NPIPA9: variants seen among roughly 807,000 people sequenced by gnomAD.
The protein encoded by NPIPA9 is nuclear pore complex-interacting protein family member A9.
chr16:18,364,671 G>C (rs1256792369), intron 4 of NPIPA9, 37 bp from the exon 5 acceptor site: 907 of 45,516 alleles, frequency 0.02, 1 homozygote, highest in Non-Finnish European at 0.028. Flanking sequence ...GGCTGGGCAC[G>C]GTGGCTCATG....
chr16:18,375,136 A>G lies in NPIPA9; in HGVS notation c.-307-67T>C, dbSNP rs1349358537. 8 of 580,970 alleles carry G rather than the reference A, an allele frequency of 1.4e-5. 1 individual carries two copies. The highest frequency in any genetic ancestry group is 2.4e-5 in the Non-Finnish European group (8 of 335,940). The allele number at this position is 580,970 out of a possible 1,614,324, so 36.0% of individuals were successfully genotyped here. A position where few individuals can be genotyped will look rare whatever the true frequency, so the allele number is the denominator to read the frequency against. On this transcript the variant is annotated intron_variant, in intron 1 of 9. Coordinates refer to ENST00000427999, the Ensembl canonical transcript of NPIPA9. ...CTGCTCAGGACAGGGATGAGAAGCC[A>G]CCTCCTCAGCAGACAGGACAGAGCC... is the stretch of plus-strand genomic sequence containing the variant.
At chr16:18,365,027 C>G (rs1381038799) in intron 4 of NPIPA9, among the ~76,000 whole-genome samples, 10 of 125,952 alleles carry the variant, frequency 7.9e-5, no homozygotes, top group African/African-American at 3.5e-4. Flanking sequence ...GTAATCCCAG[C>G]ACTTTGGGAG....
At chr16:18,371,569 C>A (rs1306787224) in intron 3 of NPIPA9, among the ~76,000 whole-genome samples, 3 of 108,874 alleles carry the variant, frequency 2.8e-5, no homozygotes, top group African/African-American at 1.1e-4. Context: ...GGGGCCATCT[C>A]GGCTCACTGC....
In NPIPA9 at chr16:18,374,456, A is replaced by G. The variant is rs758510333; in HGVS notation, c.-70+376T>C. 200 of 410,456 alleles carry G rather than the reference A, an allele frequency of 4.9e-4. 2 individuals carry two copies. Among genetic ancestry groups the G allele is most frequent in the Admixed American group, 9.1e-4 (19 of 20,994 alleles). The allele number at this position is 410,456 out of a possible 1,614,324, so 25.4% of individuals were successfully genotyped here. The stretch of plus-strand genomic sequence containing the variant: ...TCTGTCTCAAAAAAAAAAAAAAAAA[A>G]AAGAAGAAGCCCTAGATTTCGGTTG... On this transcript the variant is annotated intron_variant, in intron 2 of 9. Coordinates refer to ENST00000427999, the Ensembl canonical transcript of NPIPA9.
chr16:18,375,301 ATT>A (rs537573724), intron 1 of NPIPA9, among the ~76,000 whole-genome samples: 8 of 135,730 alleles, frequency 5.9e-5, no homozygotes, highest in Non-Finnish European at 7.9e-5. Context: ...TTTAAATTTC[ATT>A]TTTTTTTTTT....
chr16:18,371,451 T>TAAAA (rs778066038), intron 3 of NPIPA9, among the ~76,000 whole-genome samples: 197 of 56,570 alleles, frequency 3.5e-3, no homozygotes, highest in South Asian at 6.0e-3. Flanking sequence ...GACTCTGTCT[T>TAAAA]AAAAAAAAAA....
chr16:18,371,507 G>A (rs1256568548), intron 3 of NPIPA9, among the ~76,000 whole-genome samples: 1 of 108,506 alleles, frequency 9.2e-6, no homozygotes, highest in Non-Finnish European at 1.9e-5. Flanking sequence ...CAAATGAAAT[G>A]ACATTTCACT....
chr16:18,364,511 AT>A (rs1404626874), intron 5 of NPIPA9, 23 bp downstream of exon 5: 1 of 65,750 alleles, frequency 1.5e-5, no homozygotes, highest in East Asian at 2.2e-4. Context: ...TTTCCACACT[AT>A]GGGGACTCCA....
In NPIPA9 at chr16:18,364,644, AATAAT is replaced by A. The variant is rs1331320903; in HGVS notation, c.193-15_193-11del. The A allele has an allele frequency of 3.0e-4, 27 of 89,968 alleles. No individual in the cohort carries two copies. Among genetic ancestry groups the A allele is most frequent in the Admixed American group, 7.1e-4 (5 of 7,092 alleles). 5.6% of individuals were successfully genotyped at this position (89,968 alleles called of 1,614,324 possible). On this transcript the variant is annotated splice_polypyrimidine_tract_variant and intron_variant, in intron 4 of 9. Transcript: ENST00000427999. Reference sequence around the variant, plus strand: ...TCTTCAGGAAAGACACCTAGGAAATAATAATATAAGAATGACGGCTGGGCACGGTG... The same window carrying A: ...TCTTCAGGAAAGACACCTAGGAAATAATAAGAATGACGGCTGGGCACGGTG...
At chr16:18,364,950 C>G (rs1900488153) in intron 4 of NPIPA9, among the ~76,000 whole-genome samples, 4 of 1,570 alleles carry the variant, frequency 2.5e-3, no homozygotes, top group Non-Finnish European at 0.045. Context: ...CACACACACA[C>G]ACACACACAC....
chr16:18,365,216 T>G (rs1368258139), intron 4 of NPIPA9, among the ~76,000 whole-genome samples: 62 of 81,648 alleles, frequency 7.6e-4, no homozygotes, highest in East Asian at 5.2e-3. Flanking sequence ...AAAGGTTGTG[T>G]TGAGCTGAGA....
At chr16:18,372,358 A>AGAG (rs1207104895) in intron 3 of NPIPA9, among the ~76,000 whole-genome samples, 55 of 2,694 alleles carry the variant, frequency 0.02, no homozygotes, top group Admixed American at 0.059. Context: ...AGGAGCAATT[A>AGAG]GGAGACAAAG....
rs1210125702 is a variant in NPIPA9 at position 18,371,428 on chromosome 16, G to C, written c.63+1295C>G. 9.7e-5 allele frequency: 19 copies of C among 196,398 alleles called. No individual in the cohort carries two copies. In the East Asian group the frequency reaches 2.4e-3, roughly 25 times the overall value. The allele number at this position is 196,398 out of a possible 1,614,324, so 12.2% of individuals were successfully genotyped here. On this transcript the variant is annotated intron_variant, in intron 3 of 9. Coordinates refer to ENST00000427999, the Ensembl canonical transcript of NPIPA9. ...GATCTTGCCACTGCACTCCAGCCTGGGCGACAGAATGAGACTCTGTCTTAA... is the reference window on the plus strand; with the variant it reads ...GATCTTGCCACTGCACTCCAGCCTGCGCGACAGAATGAGACTCTGTCTTAA...
chr16:18,374,255 G>A (rs901670938), intron 2 of NPIPA9, among the ~76,000 whole-genome samples: 1 of 24,766 alleles, frequency 4.0e-5, no homozygotes, highest in African/African-American at 1.8e-4. Context: ...CCAACATGCT[G>A]AAACCCCGTC....
chr16:18,371,570 G>A (rs1348084294), intron 3 of NPIPA9, among the ~76,000 whole-genome samples: 5 of 107,640 alleles, frequency 4.6e-5, no homozygotes, highest in South Asian at 3.1e-4. Context: ...GGGCCATCTC[G>A]GCTCACTGCA....
At chr16:18,365,274 C>CAAA (rs1208437581) in intron 4 of NPIPA9, among the ~76,000 whole-genome samples, 1 of 37,470 alleles carries the variant, frequency 2.7e-5, no homozygotes, top group Non-Finnish European at 4.7e-5. Context: ...AACTCTGTCT[C>CAAA]AAAAAAAAAA....
At chr16:18,364,708 C>T (rs1327158056) in intron 4 of NPIPA9, 74 bp from the exon 5 acceptor site, 4 of 28,030 alleles carry the variant, frequency 1.4e-4, no homozygotes, top group African/African-American at 6.6e-4. Flanking sequence ...TTTGGGAGGC[C>T]GAGGCAGGGT....
Position 18,374,496 on chromosome 16 carries a change from G to GGA in NPIPA9, c.-70+334_-70+335dup, listed in dbSNP as rs1459311745. The GGA allele has an allele frequency of 1.7e-5, 13 of 752,336 alleles. 1 individual carries two copies. Among genetic ancestry groups the GGA allele is most frequent in the Non-Finnish European group, 2.5e-5 (13 of 510,404 alleles). The allele number at this position is 752,336 out of a possible 1,614,324, so 46.6% of individuals were successfully genotyped here. On this transcript the variant is annotated intron_variant, in intron 2 of 9. Coordinates refer to ENST00000427999, the Ensembl canonical transcript of NPIPA9. ...GATTTCGGTTGTGTTGGTTGTAAAA[G>GGA]GAGAGACCCAGTAAGTGGGGGTCAT...
intron 1 of NPIPA9, 86 bp from the exon 2 acceptor site, chr16:18,375,155 C>G: frequency 3.6e-6 from 2 of 549,352 alleles, no homozygotes; most frequent in Middle Eastern, 4.6e-4. Flanking sequence ...GCAGACAGGA[C>G]AGAGCCCGGT....
Sources: allele counts gnomAD v4.1 joint callset (sites outside exome capture counted in the v4.1 genomes callset), GRCh38; gene constraint gnomAD v4.1.1; transcripts MANE v1.5; gene names NCBI Gene and HGNC (gene_info 2026-07-23, HGNC 2026-07-21).